Variants in CDH10 observed in about 807,000 individuals in gnomAD.
CDH10 encodes the protein cadherin-10.
Under a neutral mutation model 73.1 loss-of-function variants are expected in CDH10, and 30 were observed. The ratio of observed to expected loss-of-function variants is 0.41; its 90% CI spans 0.31 to 0.56. The LOEUF (loss-of-function observed/expected upper bound fraction) is 0.56. CDH10 is among the 20% of genes least tolerant of loss of function. The pLI, the probability that CDH10 is intolerant of heterozygous loss-of-function variation, is 0.27. For missense variants in CDH10, 815 were observed against 973.7 expected, an observed-to-expected ratio of 0.84 and a Z score of 2.17; for synonymous variants, 345 against 348.2, an observed-to-expected ratio of 0.99 and a Z score of 0.10.
chr5:24,560,203 TGTGTG>T (rs1561163267), intron 2 of CDH10, among the ~76,000 whole-genome samples: 34 of 1,274 alleles, frequency 0.027, no homozygotes, highest in East Asian at 0.22. Context: ...TTTGCAATTG[TGTGTG>T]TGTGTGTGTG....
intron 1 of CDH10, among the ~76,000 whole-genome samples, chr5:24,630,668 A>G (rs1747673643): frequency 6.6e-6 from 1 of 151,804 alleles, no homozygotes; most frequent in Non-Finnish European, 1.5e-5. Context: ...AAACAAAATG[A>G]GAGAGATTGA....
At chr5:24,530,121 A>C (rs1425504103) in intron 5 of CDH10, among the ~76,000 whole-genome samples, 2 of 140,374 alleles carry the variant, frequency 1.4e-5, no homozygotes, top group Non-Finnish European at 3.0e-5. Flanking sequence ...CTTTATCTCT[A>C]GGTCTTGACC....
chr5:24,598,846 A>G (rs543010093), intron 1 of CDH10, among the ~76,000 whole-genome samples: 1 of 152,144 alleles, frequency 6.6e-6, no homozygotes, highest in Non-Finnish European at 1.5e-5. Flanking sequence ...CTGGTAATAC[A>G]CTTCTCCAGC....
At chr5:24,571,784 C>T (rs1377707615) in intron 2 of CDH10, among the ~76,000 whole-genome samples, 1 of 152,014 alleles carries the variant, frequency 6.6e-6, no homozygotes, top group Admixed American at 6.6e-5. Flanking sequence ...AGTCCTGACT[C>T]GTAGTGTTTG....
At position 24,639,421 on chromosome 5, in the gene CDH10, T is replaced by C. The variant is rs555103595; in HGVS notation, c.-124+5173A>G. Among the ~76,000 whole-genome samples the C allele has an allele frequency of 4.0e-5, 6 of 151,868 alleles. 1 individual carries two copies. The South Asian group carries it at 1.2e-3, about 31-fold the overall frequency. ...AAATATATGGGCTGCCTTTGATCTA[T>C]TCAGATAATGATATTGAATTTCAAC... On this transcript the variant is annotated intron_variant, in intron 1 of 11. Coordinates refer to ENST00000264463, the MANE Select transcript of CDH10 (RefSeq NM_006727.5).
intron 2 of CDH10, among the ~76,000 whole-genome samples, chr5:24,560,493 T>C (rs954025978): frequency 1.3e-5 from 2 of 150,912 alleles, no homozygotes; most frequent in African/African-American, 2.4e-5. Context: ...TGTTTTTTCA[T>C]TGAGGTGTGC....
At position 24,504,442 on chromosome 5, in the gene CDH10, GTCTT is replaced by G. The variant is rs1293954586; in HGVS notation, c.1393+666_1393+669del. On this transcript the variant is annotated intron_variant, in intron 8 of 11. Transcript: ENST00000264463. ...CATTTCAGTTTTGCCACTTCATTGG[GTCTT>G]TCTTTGTGAGAGCTCCTGTGTCATG... Among the ~76,000 whole-genome samples, 21 of 142,578 alleles carry G rather than the reference GTCTT, an allele frequency of 1.5e-4. 1 individual carries two copies. Among genetic ancestry groups the G allele is most frequent in the Admixed American group, 2.1e-4 (3 of 14,038 alleles). 93.5% of individuals were successfully genotyped at this position (142,578 alleles called of 152,430 possible). A position where few individuals can be genotyped will look rare whatever the true frequency, so the allele number is the denominator to read the frequency against.
intron 2 of CDH10, among the ~76,000 whole-genome samples, chr5:24,558,327 G>A (rs1373526028): frequency 1.3e-5 from 2 of 151,548 alleles, no homozygotes; most frequent in Non-Finnish European, 3.0e-5. Flanking sequence ...ACTATGACCA[G>A]GATTCTGAAT....
At chr5:24,636,352 G>A (rs1338483195) in intron 1 of CDH10, among the ~76,000 whole-genome samples, 1 of 151,974 alleles carries the variant, frequency 6.6e-6, no homozygotes, top group Non-Finnish European at 1.5e-5. Context: ...AAAGGACCTT[G>A]TGAGAGCACT....
At chr5:24,517,586 T>C (rs1743156364) in intron 5 of CDH10, among the ~76,000 whole-genome samples, 1 of 151,888 alleles carries the variant, frequency 6.6e-6, no homozygotes, top group Non-Finnish European at 1.5e-5. Flanking sequence ...TATTTGTTTT[T>C]GACAATGCAA....
chr5:24,551,150 A>C (rs1744527675), intron 2 of CDH10, among the ~76,000 whole-genome samples: 1 of 152,114 alleles, frequency 6.6e-6, no homozygotes, highest in Non-Finnish European at 1.5e-5. Context: ...ATAAGCCTAA[A>C]CTGGCCTTTC....
intron 7 of CDH10, among the ~76,000 whole-genome samples, chr5:24,509,240 C>CTTTTTTTTTTTTTTTTTTTTTTTTTTTTT (rs35903930): frequency 1.2e-5 from 1 of 85,326 alleles, no homozygotes; most frequent in Non-Finnish European, 2.0e-5. Flanking sequence ...CTCCTTTTTC[C>CTTTTTTTTTTTTTTTTTTTTTTTTTTTTT]TTTTTTTTTT....
At chr5:24,610,908 G>C (rs1211030273) in intron 1 of CDH10, among the ~76,000 whole-genome samples, 2 of 152,152 alleles carry the variant, frequency 1.3e-5, no homozygotes, top group Non-Finnish European at 2.9e-5. Context: ...ACAATATGTA[G>C]TGAGGCTCAG....
At chr5:24,577,169 TTC>T (rs775059456) in intron 2 of CDH10, among the ~76,000 whole-genome samples, 27 of 151,920 alleles carry the variant, frequency 1.8e-4, no homozygotes, top group Non-Finnish European at 1.3e-4. Flanking sequence ...TCTGGTGGAA[TTC>T]TAGAGGTGAG....
intron 1 of CDH10, among the ~76,000 whole-genome samples, chr5:24,614,920 C>T (rs557917065): frequency 1.2e-4 from 19 of 152,232 alleles, no homozygotes; most frequent in Non-Finnish European, 2.5e-4. Context: ...TAGCAGATGA[C>T]GATGTACAGG....
Position 24,539,184 on chromosome 5 carries a change from A to C in CDH10, c.232-1510T>G, listed in dbSNP as rs376783620. 1.1e-4 allele frequency among the ~76,000 whole-genome samples: 17 copies of C among 152,150 alleles called. No homozygotes were observed. The East Asian group carries it at 2.7e-3, about 24-fold the overall frequency. On this transcript the variant is annotated intron_variant, in intron 2 of 11. Coordinates refer to ENST00000264463, the MANE Select transcript of CDH10 (RefSeq NM_006727.5). Reference sequence around the variant, plus strand: ...GAATTCGAGACAATAATCTTCAATTATATGAAAAAATACATAGAGTTACGT... The same window carrying C: ...GAATTCGAGACAATAATCTTCAATTCTATGAAAAAATACATAGAGTTACGT...
chr5:24,508,359 G>A (rs1262677612), intron 7 of CDH10, among the ~76,000 whole-genome samples: 1 of 151,844 alleles, frequency 6.6e-6, no homozygotes, highest in African/African-American at 2.4e-5. Context: ...GTCATAAGAA[G>A]GAAAACAAGA....
At chr5:24,605,482 A>C (rs1746729052) in intron 1 of CDH10, among the ~76,000 whole-genome samples, 1 of 152,254 alleles carries the variant, frequency 6.6e-6, no homozygotes, top group African/African-American at 2.4e-5. Context: ...GAGGTGGAAC[A>C]GTCATCCTGA....
At chr5:24,523,688 C>T (rs1743422791) in intron 5 of CDH10, among the ~76,000 whole-genome samples, 1 of 152,044 alleles carries the variant, frequency 6.6e-6, no homozygotes, top group South Asian at 2.1e-4. Context: ...CATTATAATT[C>T]TGGTCAAATA....
Sources: gnomAD v4.1 joint callset for allele counts (sites outside exome capture counted in the v4.1 genomes callset) on GRCh38, gnomAD v4.1.1 for gene constraint, MANE v1.5 for transcripts, NCBI Gene and HGNC (gene_info 2026-07-23, HGNC 2026-07-21) for gene names.